The following TMEM266 variants were observed in gnomAD, a reference collection of about 807,000 sequenced individuals.
The protein encoded by TMEM266 is transmembrane protein 266.
A neutral mutation model predicts 50.5 loss-of-function variants in TMEM266; 33 were observed. The observed-to-expected ratio is 0.65, with a 90% confidence interval of 0.50 to 0.87. The LOEUF (loss-of-function observed/expected upper bound fraction) is 0.87, where lower values mean the gene tolerates loss of function less well. Among genes scored for constraint, TMEM266 ranks in the 40% least tolerant of loss-of-function variants. TMEM266 has a pLI of 0.00. For synonymous variants in TMEM266, 310 were observed against 292.3 expected, an observed-to-expected ratio of 1.06 and a Z score of -0.62; for missense variants, 655 against 695.1, an observed-to-expected ratio of 0.94 and a Z score of 0.65.
chr15:76,196,849 T>G (rs937559625), intron 9 of TMEM266, among the ~76,000 whole-genome samples: 2 of 149,522 alleles, frequency 1.3e-5, no homozygotes, highest in Non-Finnish European at 3.0e-5. Flanking sequence ...CACAAATCAT[T>G]TTTAAAACCT....
chr15:76,196,866 CAG>C (rs2038664370), intron 9 of TMEM266, among the ~76,000 whole-genome samples: 1 of 114,398 alleles, frequency 8.7e-6, no homozygotes, highest in Non-Finnish European at 1.9e-5. Context: ...ACCTAGGCTG[CAG>C]AGTTCCAGGC....
At chr15:76,175,457 C>A in intron 7 of TMEM266, 102 bp from the exon 8 acceptor site, 1 of 825,120 alleles carries the variant, frequency 1.2e-6, no homozygotes. Flanking sequence ...CAGAAATGGC[C>A]CAGGGCCTCG....
intron 1 of TMEM266, among the ~76,000 whole-genome samples, chr15:76,085,630 T>C (rs1029652291): frequency 3.9e-5 from 6 of 152,198 alleles, no homozygotes; most frequent in African/African-American, 1.4e-4. Flanking sequence ...TGTTATAAAA[T>C]GGTATAGCCA....
intron 1 of TMEM266, among the ~76,000 whole-genome samples, chr15:76,096,379 T>A (rs1596101534): frequency 6.6e-6 from 1 of 152,210 alleles, no homozygotes; most frequent in East Asian, 1.9e-4. Context: ...CCAGTAGTCA[T>A]TCAGGAGCAG....
chr15:76,117,439 C>T (rs7181528), intron 1 of TMEM266, among the ~76,000 whole-genome samples: 47,793 of 151,760 alleles, frequency 0.31, 8,905 homozygotes, highest in East Asian at 0.63. Context: ...GACTAAGAGA[C>T]TGGCCCAGTT....
At chr15:76,090,503 A>C (rs2036834180) in intron 1 of TMEM266, among the ~76,000 whole-genome samples, 1 of 151,544 alleles carries the variant, frequency 6.6e-6, no homozygotes, top group South Asian at 2.1e-4. Context: ...AAAAAAAAAA[A>C]AAAAAAAGAG....
At chr15:76,092,917 C>T (rs2036869100) in intron 1 of TMEM266, among the ~76,000 whole-genome samples, 1 of 148,304 alleles carries the variant, frequency 6.7e-6, no homozygotes, top group African/African-American at 2.5e-5. Context: ...AAGTGATTCT[C>T]CTGCCTCAGT....
chr15:76,163,068 T>C (rs1006093636), intron 5 of TMEM266, among the ~76,000 whole-genome samples: 1 of 151,960 alleles, frequency 6.6e-6, no homozygotes, highest in African/African-American at 2.4e-5. Flanking sequence ...TCCTGGAAGG[T>C]GGGTAGGACA....
chr15:76,136,570 C>T (rs1435711163), intron 2 of TMEM266, among the ~76,000 whole-genome samples: 1 of 152,096 alleles, frequency 6.6e-6, no homozygotes, highest in Non-Finnish European at 1.5e-5. Flanking sequence ...GGGCACTGAC[C>T]CTCAATGTTC....
intron 9 of TMEM266, 116 bp from the exon 10 acceptor site, chr15:76,202,086 C>T: frequency 1.1e-6 from 1 of 884,492 alleles, no homozygotes; most frequent in Non-Finnish European, 1.7e-6. Flanking sequence ...GTCACACACA[C>T]CAAGGGCTTC....
chr15:76,082,912 T>G (rs1409853734), intron 1 of TMEM266, among the ~76,000 whole-genome samples: 1 of 152,050 alleles, frequency 6.6e-6, no homozygotes, highest in African/African-American at 2.4e-5. Context: ...GAGGTTGCAG[T>G]GAGCGGAGAT....
In TMEM266 at chr15:76,192,186, A is replaced by T. The variant is rs986900388; in HGVS notation, c.958+29A>T. ...AGCCCGGGTCTCCACCCGGCCCCAG[A>T]GTGTCACGGCCGGGGATCCCCCTCG... On this transcript the variant is annotated intron_variant, in intron 9 of 10. Transcript: ENST00000388942. 7.2e-6 allele frequency: 10 copies of T among 1,388,090 alleles called. No individual in the cohort carries two copies. The Admixed American group carries it at 1.4e-4, about 19-fold the overall frequency. The allele number at this position is 1,388,090 out of a possible 1,614,324, so 86.0% of individuals were successfully genotyped here. A position where few individuals can be genotyped will look rare whatever the true frequency, so the allele number is the denominator to read the frequency against.
chr15:76,103,808 A>G (rs916898036), intron 1 of TMEM266, among the ~76,000 whole-genome samples: 4 of 151,782 alleles, frequency 2.6e-5, no homozygotes, highest in Non-Finnish European at 4.4e-5. Flanking sequence ...GCTACTTGGG[A>G]GGCTGAGGCA....
chr15:76,102,859 A>C (rs1043148287), intron 1 of TMEM266, among the ~76,000 whole-genome samples: 30 of 151,612 alleles, frequency 2.0e-4, no homozygotes, highest in Non-Finnish European at 3.4e-4. Context: ...AAAAAAAAAA[A>C]ACGGAGTCAG....
chr15:76,106,203 G>C (rs986176408), intron 1 of TMEM266, among the ~76,000 whole-genome samples: 1 of 151,980 alleles, frequency 6.6e-6, no homozygotes, highest in African/African-American at 2.4e-5. Context: ...CCACGTGCAC[G>C]GCATGGTGGG....
intron 8 of TMEM266, among the ~76,000 whole-genome samples, chr15:76,177,167 A>G (rs2142066635): frequency 6.6e-6 from 1 of 152,312 alleles, no homozygotes; most frequent in South Asian, 2.1e-4. Flanking sequence ...ACTCACTGCC[A>G]TGGTCAGTGC....
chr15:76,137,940 G>C (rs770163007), intron 3 of TMEM266, 45 bp downstream of exon 3: 66 of 1,511,666 alleles, frequency 4.4e-5, no homozygotes, highest in Non-Finnish European at 5.7e-5. Context: ...CCCTGGGTTA[G>C]GCTAGGCGCG....
chr15:76,185,110 T>C (rs997138971), intron 8 of TMEM266, among the ~76,000 whole-genome samples: 5 of 151,952 alleles, frequency 3.3e-5, no homozygotes, highest in Admixed American at 3.3e-4. Context: ...TTCTGTGGGG[T>C]TTTTTGGTAT....
intron 1 of TMEM266, among the ~76,000 whole-genome samples, chr15:76,126,374 C>CATATATATATATATATATAT (rs61446223): frequency 1.2e-4 from 17 of 137,818 alleles, no homozygotes; most frequent in African/African-American, 4.0e-4. Context: ...CACCCACAGA[C>CATATATATATATATATATAT]ATATATATAT....
Sources: gnomAD v4.1 joint callset for allele counts (sites outside exome capture counted in the v4.1 genomes callset) on GRCh38, gnomAD v4.1.1 for gene constraint, MANE v1.5 for transcripts, NCBI Gene and HGNC (gene_info 2026-07-23, HGNC 2026-07-21) for gene names.